Variants in ZNF254 observed in about 807,000 individuals in gnomAD.
ZNF254 encodes zinc finger protein 254, also known as CTD-2017D11.1.
ZNF254 carries 10 observed loss-of-function variants against 12.4 expected under a neutral mutation model. The observed-to-expected ratio is 0.80, with a 90% CI of 0.50 to 1.36. The LOEUF (loss-of-function observed/expected upper bound fraction) is 1.36, where lower values mean the gene tolerates loss of function less well. ZNF254 is among the 40% of genes most tolerant of loss of function. ZNF254 has a pLI of 0.00. For missense variants in ZNF254, 996 were observed against 763.9 expected, an observed-to-expected ratio of 1.30 and a Z score of -3.58; for synonymous variants, 305 against 253.4, an observed-to-expected ratio of 1.20 and a Z score of -1.93.
At chr19:24,038,371 GA>G (rs1970041176) in intron 1 of ZNF254, among the ~76,000 whole-genome samples, 1 of 152,278 alleles carries the variant, frequency 6.6e-6, no homozygotes, top group East Asian at 1.9e-4. Context: ...AACTGTATGT[GA>G]CCAATGGTGC....
At chr19:24,038,779 AC>A (rs1269798716) in intron 1 of ZNF254, among the ~76,000 whole-genome samples, 29 of 152,202 alleles carry the variant, frequency 1.9e-4, no homozygotes, top group African/African-American at 7.0e-4. Flanking sequence ...TTAATAGCAT[AC>A]TTTTACCAGA....
At chr19:24,062,675 C>A (rs745407075) in intron 2 of ZNF254, among the ~76,000 whole-genome samples, 4 of 152,192 alleles carry the variant, frequency 2.6e-5, no homozygotes, top group Non-Finnish European at 5.9e-5. Context: ...GGTTCTGAAT[C>A]TCACTTTTGG....
chr19:24,051,631 A>T (rs1599597220), intron 2 of ZNF254, among the ~76,000 whole-genome samples: 1 of 152,192 alleles, frequency 6.6e-6, no homozygotes, highest in African/African-American at 2.4e-5. Context: ...TGGGACCTGC[A>T]CACATTGTGT....
chr19:24,093,868 T>TG (rs1474187024), intron 1 of ZNF254, among the ~76,000 whole-genome samples: 1 of 152,156 alleles, frequency 6.6e-6, no homozygotes, highest in Non-Finnish European at 1.5e-5. Flanking sequence ...CTGTAAATTT[T>TG]GGGGGGCAGT....
At chr19:24,116,134 T>G (rs1974053941) in intron 3 of ZNF254, among the ~76,000 whole-genome samples, 1 of 152,226 alleles carries the variant, frequency 6.6e-6, no homozygotes, top group South Asian at 2.1e-4. Flanking sequence ...TAACATTTTT[T>G]CCTTCGTTTC....
At chr19:24,064,286 A>G (rs1211025058) in intron 2 of ZNF254, among the ~76,000 whole-genome samples, 2 of 152,086 alleles carry the variant, frequency 1.3e-5, no homozygotes, top group Non-Finnish European at 2.9e-5. Flanking sequence ...CCCTACCCAC[A>G]AAGGACATTG....
chr19:24,049,214 A>ATATTTTTT (rs1160333151), intron 2 of ZNF254, among the ~76,000 whole-genome samples: 3 of 40,866 alleles, frequency 7.3e-5, no homozygotes, highest in African/African-American at 2.7e-4. Context: ...ATATATATAT[A>ATATTTTTT]TTTTTTTTTT....
intron 1 of ZNF254, chr19:24,033,661 G>A: frequency 3.0e-6 from 1 of 338,550 alleles, no homozygotes; most frequent in Non-Finnish European, 5.8e-6. Context: ...GGAGAGAGCG[G>A]GCTGTGAAAC....
chr19:24,112,881 C>A (rs1843190524), intron 3 of ZNF254, among the ~76,000 whole-genome samples: 2 of 151,968 alleles, frequency 1.3e-5, no homozygotes, highest in African/African-American at 4.8e-5. Flanking sequence ...TACAAAGTAC[C>A]ATCAGAGAAT....
intron 3 of ZNF254, among the ~76,000 whole-genome samples, chr19:24,122,449 T>C (rs962542829): frequency 6.6e-6 from 1 of 152,150 alleles, no homozygotes; most frequent in African/African-American, 2.4e-5. Context: ...GGTTTTAAAC[T>C]CCTGACCTTA....
intron 3 of ZNF254, among the ~76,000 whole-genome samples, chr19:24,121,900 G>A (rs974479446): frequency 6.6e-6 from 1 of 151,880 alleles, no homozygotes; most frequent in Admixed American, 6.6e-5. Context: ...TGTTGTATAG[G>A]TTTGTTGTGA....
intron 3 of ZNF254, among the ~76,000 whole-genome samples, chr19:24,107,848 G>C (rs924629673): frequency 1.3e-5 from 2 of 152,180 alleles, no homozygotes; most frequent in African/African-American, 4.8e-5. Context: ...TGTCCTCTGG[G>C]TTTGTAGTGA....
rs1158336002 is a variant in ZNF254, at chr19:24,127,836, C to A, written c.1836C>A (p.Phe612Leu). 3 of 1,612,868 alleles carry A rather than the reference C, an allele frequency of 1.9e-6. No individual in the cohort carries two copies. Among genetic ancestry groups the A allele is most frequent in the Non-Finnish European group, 2.5e-6 (3 of 1,179,572 alleles). Reference protein sequence around the residue: ...YKCEECGKAFFWSSTLTKHKR... With the variant: ...YKCEECGKAFLWSSTLTKHKR... ...GTGAAGAATGTGGCAAAGCATTTTT[C>A]TGGTCCTCAACCCTAACTAAACATA... Residue 612 changes from phenylalanine (F) to leucine (L), a missense_variant, in exon 4 of 4, where the codon TTC becomes TTA. Transcript: ENST00000357002.
intron 2 of ZNF254, among the ~76,000 whole-genome samples, chr19:24,071,628 G>A (rs1428057405): frequency 6.6e-6 from 1 of 152,158 alleles, no homozygotes. Context: ...AGGAAGTATT[G>A]TGCCATATTT....
intron 2 of ZNF254, among the ~76,000 whole-genome samples, chr19:24,072,777 C>T (rs1187032653): frequency 1.3e-5 from 2 of 152,206 alleles, no homozygotes; most frequent in Non-Finnish European, 2.9e-5. Flanking sequence ...GCCTTGCTTT[C>T]AGGAGAGAAT....
chr19:24,127,878 A>T lies in ZNF254; in HGVS notation c.1878A>T (p.Gly626=). ...TLTKHKRIHT[G]EQPYKWEKFG... is the part of the protein sequence containing the mutation. ...CTAAACATAAGAGAATTCATACTGG[A>T]GAGCAACCCTACAAATGGGAAAAAT... Residue 626 remains glycine (G), a synonymous_variant, in exon 4 of 4, where the codon GGA becomes GGT. Coordinates refer to ENST00000357002, the MANE Select transcript of ZNF254 (RefSeq NM_203282.4). The T allele has an allele frequency of 6.2e-7, 1 of 1,613,256 alleles. No individual in the cohort carries two copies. Among genetic ancestry groups the T allele is most frequent in the Non-Finnish European group, 8.5e-7 (1 of 1,179,650 alleles).
chr19:24,108,446 G>C (rs780116940), intron 3 of ZNF254, among the ~76,000 whole-genome samples: 2 of 152,172 alleles, frequency 1.3e-5, no homozygotes, highest in Non-Finnish European at 2.9e-5. Context: ...CTTCAGTCTT[G>C]GGCTTTAGCA....
At chr19:24,104,178 G>A (rs2145793454) in intron 1 of ZNF254, 1 of 152,276 alleles carries the variant, frequency 6.6e-6, no homozygotes. Context: ...TTGTAACAGG[G>A]GAGGGCGCCT....
intron 1 of ZNF254, 121 bp downstream of exon 1, chr19:24,087,458 C>A: frequency 1.6e-6 from 2 of 1,250,338 alleles, no homozygotes; most frequent in Non-Finnish European, 2.3e-6. Flanking sequence ...CCCAGCTCGA[C>A]CTCAGTCCCC....
Sources: gnomAD v4.1 joint callset for allele counts (sites outside exome capture counted in the v4.1 genomes callset) on GRCh38, gnomAD v4.1.1 for gene constraint, MANE v1.5 for transcripts, NCBI Gene and HGNC (gene_info 2026-07-23, HGNC 2026-07-21) for gene names.